FBXW7: variants seen among roughly 807,000 people sequenced by gnomAD.
The protein encoded by FBXW7 is F-box/WD repeat-containing protein 7.
A neutral mutation model predicts 86.3 loss-of-function variants in FBXW7; 11 were observed. That is an observed-to-expected ratio of 0.13 (90% CI 0.08 to 0.21). The LOEUF (loss-of-function observed/expected upper bound fraction) is 0.21. Ranked by LOEUF, FBXW7 falls within the 10% of genes least tolerant of loss-of-function variation. FBXW7 has a pLI of 1.00. For missense variants in FBXW7, 488 were observed against 847.4 expected (o/e 0.58, Z 5.27); for synonymous variants, 313 against 297.9 (o/e 1.05, Z -0.52).
intron 4 of FBXW7, among the ~76,000 whole-genome samples, chr4:152,407,956 G>T (rs148552138): frequency 6.6e-6 from 1 of 152,114 alleles, no homozygotes; most frequent in South Asian, 2.1e-4. Context: ...CTCTCAAAGT[G>T]CTGGGATCAC....
intron 4 of FBXW7, among the ~76,000 whole-genome samples, chr4:152,355,172 T>A (rs749793618): frequency 4.6e-5 from 7 of 152,144 alleles, no homozygotes; most frequent in Non-Finnish European, 1.0e-4. Context: ...GTCATCATAA[T>A]CTTAATATGA....
chr4:152,499,950 C>T (rs1011461270), intron 2 of FBXW7, among the ~76,000 whole-genome samples: 2 of 152,126 alleles, frequency 1.3e-5, no homozygotes, highest in African/African-American at 2.4e-5. Flanking sequence ...GATCATCATG[C>T]CTGTCAAGCT....
intron 4 of FBXW7, among the ~76,000 whole-genome samples, chr4:152,378,370 G>C (rs546420276): frequency 1.3e-5 from 2 of 151,950 alleles, no homozygotes; most frequent in Non-Finnish European, 2.9e-5. Context: ...TGAGTTCCTG[G>C]GTCTCAGATG....
intron 2 of FBXW7, among the ~76,000 whole-genome samples, chr4:152,530,070 TAC>T (rs200498212): frequency 0.27 from 33,599 of 124,280 alleles, 4,879 homozygotes; most frequent in African/African-American, 0.42. Flanking sequence ...AAAAAAAAAA[TAC>T]ACACACACAC....
intron 4 of FBXW7, among the ~76,000 whole-genome samples, chr4:152,367,976 C>CT (rs917754321): frequency 1.5e-4 from 23 of 151,144 alleles, no homozygotes; most frequent in Non-Finnish European, 3.3e-4. Flanking sequence ...CCATTTATTA[C>CT]TTTTTTTTTG....
intron 4 of FBXW7, among the ~76,000 whole-genome samples, chr4:152,373,153 T>C (rs774110698): frequency 6.6e-6 from 1 of 152,050 alleles, no homozygotes; most frequent in Non-Finnish European, 1.5e-5. Context: ...CTGCTTGAGT[T>C]AGTGTCCTAG....
At chr4:152,359,933 G>A (rs1278306588) in intron 4 of FBXW7, among the ~76,000 whole-genome samples, 1 of 152,166 alleles carries the variant, frequency 6.6e-6, no homozygotes, top group African/African-American at 2.4e-5. Flanking sequence ...ACAGAAGTTT[G>A]ATAAGTGTTG....
chr4:152,503,567 C>T (rs1033919307), intron 2 of FBXW7, among the ~76,000 whole-genome samples: 3 of 151,718 alleles, frequency 2.0e-5, no homozygotes, highest in South Asian at 2.1e-4. Context: ...CCACCGTGCC[C>T]GGCCCCAATT....
In FBXW7 at chr4:152,332,578, T is replaced by A. The variant is rs757861302; in HGVS notation, c.985+18A>T. The A allele has an allele frequency of 6.4e-7, 1 of 1,558,032 alleles. No homozygotes were observed. Among genetic ancestry groups the A allele is most frequent in the Non-Finnish European group, 8.7e-7 (1 of 1,145,416 alleles). ...TTTCAAAGTATAAACATATTCTCTA[T>A]GCAATTTTGAACCTTACCCTCTTCT... On this transcript the variant is annotated intron_variant, in intron 8 of 13. Transcript: ENST00000281708.
Position 152,326,066 on chromosome 4 carries a change from T to C in FBXW7, c.1584A>G (p.Pro528=). 2.5e-6 allele frequency: 4 copies of C among 1,613,334 alleles called. No individual in the cohort carries two copies. The highest frequency in any genetic ancestry group is 3.4e-6 in the Non-Finnish European group (4 of 1,179,528). Reference sequence around the variant, plus strand: ...ACGTGTGTAGACAGGTTTCAGTCTCTGGATCCCACACCTTTACCATAAAAT... The same window carrying C: ...ACGTGTGTAGACAGGTTTCAGTCTCCGGATCCCACACCTTTACCATAAAAT... The part of the protein sequence containing the change: ...AYDFMVKVWD[P]ETETCLHTLQ... The change falls in exon 12 of 14, where the codon CCA becomes CCG. Residue 528 remains proline, a synonymous_variant. Transcript: ENST00000281708.
At chr4:152,525,613 T>G (rs550895284) in intron 2 of FBXW7, among the ~76,000 whole-genome samples, 1 of 152,286 alleles carries the variant, frequency 6.6e-6, no homozygotes, top group Admixed American at 6.5e-5. Context: ...TCATCCATAC[T>G]CCCACAAAAG....
intron 2 of FBXW7, among the ~76,000 whole-genome samples, chr4:152,437,634 AAAG>A (rs1740499721): frequency 6.6e-6 from 1 of 152,336 alleles, no homozygotes; most frequent in East Asian, 1.9e-4. Flanking sequence ...TCCAGTTTTG[AAAG>A]AAGTTCTACT....
intron 2 of FBXW7, among the ~76,000 whole-genome samples, chr4:152,448,047 A>C (rs1741570610): frequency 6.6e-6 from 1 of 152,230 alleles, no homozygotes; most frequent in South Asian, 2.1e-4. Context: ...TTAACCATAA[A>C]GTTACTGAGG....
intron 2 of FBXW7, among the ~76,000 whole-genome samples, chr4:152,532,912 G>A (rs1750145341): frequency 6.6e-6 from 1 of 152,102 alleles, no homozygotes; most frequent in African/African-American, 2.4e-5. Flanking sequence ...TTGGCAGGAC[G>A]CGGTGTCTCA....
intron 2 of FBXW7, among the ~76,000 whole-genome samples, chr4:152,519,479 T>C (rs893570485): frequency 1.3e-5 from 2 of 151,898 alleles, no homozygotes; most frequent in Non-Finnish European, 2.9e-5. Flanking sequence ...CTTCAAAAGA[T>C]TTAACTCTCA....
At chr4:152,429,729 A>T (rs187393864) in intron 2 of FBXW7, among the ~76,000 whole-genome samples, 222 of 152,300 alleles carry the variant, frequency 1.5e-3, no homozygotes, top group Non-Finnish European at 2.5e-3. Flanking sequence ...TATTTTGTAA[A>T]CCAGGAATAA....
At chr4:152,382,927 T>C (rs1735219639) in intron 4 of FBXW7, among the ~76,000 whole-genome samples, 1 of 152,206 alleles carries the variant, frequency 6.6e-6, no homozygotes, top group East Asian at 1.9e-4. Context: ...ACCTTAGATA[T>C]ATTATAATGA....
rs142080811 is a variant in FBXW7 at position 152,417,326 on chromosome 4, G to A, written c.-119-4797C>T. Among the ~76,000 whole-genome samples, 345 of 152,262 alleles carry A rather than the reference G, an allele frequency of 2.3e-3. 3 individuals are homozygous for A. The highest frequency in any genetic ancestry group is 8.1e-3 in the African/African-American group (335 of 41,562). On this transcript the variant is annotated intron_variant, in intron 2 of 13. Transcript: ENST00000281708. Reference sequence around the variant, plus strand: ...TATTATTTTCTCTATTTCAGTGAATGGAATCATATTCTAGCTAGTTGCAGA... The same window carrying A: ...TATTATTTTCTCTATTTCAGTGAATAGAATCATATTCTAGCTAGTTGCAGA...
intron 2 of FBXW7, among the ~76,000 whole-genome samples, chr4:152,517,489 A>ATTTATATTTACAGATATAATTAC (rs1748604681): frequency 6.6e-6 from 1 of 152,218 alleles, no homozygotes; most frequent in Admixed American, 6.5e-5. Flanking sequence ...AATAATATAT[A>ATTTATATTTACAGATATAATTAC]AGAAATAAAT....
Sources: gnomAD v4.1 joint callset for allele counts (sites outside exome capture counted in the v4.1 genomes callset) on GRCh38, gnomAD v4.1.1 for gene constraint, MANE v1.5 for transcripts, NCBI Gene and HGNC (gene_info 2026-07-23, HGNC 2026-07-21) for gene names.